Variants in KLHL32 observed in about 807,000 individuals in gnomAD.
The protein encoded by KLHL32 is kelch like family member 32.
KLHL32 carries 35 observed loss-of-function variants against 64.8 expected under a neutral mutation model. The ratio of observed to expected loss-of-function variants is 0.54; its 90% CI spans 0.41 to 0.72. The LOEUF (loss-of-function observed/expected upper bound fraction) is 0.72, where lower values mean the gene tolerates loss of function less well. Among genes scored for constraint, KLHL32 ranks in the 30% least tolerant of loss-of-function variants. The pLI is 0.00. For synonymous variants in KLHL32, 259 were observed against 281.0 expected (o/e 0.92, Z 0.78); for missense variants, 589 against 768.5 (o/e 0.77, Z 2.76).
Position 97,139,434 on chromosome 6 carries a change from C to A in KLHL32, c.*152C>A. On this transcript the variant is annotated 3_prime_UTR_variant, in exon 11 of 11. Transcript: ENST00000369261. The stretch of plus-strand genomic sequence containing the variant: ...AAAAAATGAACAATTTTCTAAAATA[C>A]GTTATTGAAAACTCGTCACCCTTCT... 1 of 659,574 alleles carries A rather than the reference C, an allele frequency of 1.5e-6. No individual in the cohort carries two copies. Among genetic ancestry groups the A allele is most frequent in the Non-Finnish European group, 2.5e-6 (1 of 397,612 alleles). 40.9% of individuals were successfully genotyped at this position (659,574 alleles called of 1,614,324 possible).
chr6:96,964,214 G>A (rs1407564117), intron 1 of KLHL32, among the ~76,000 whole-genome samples: 1 of 152,204 alleles, frequency 6.6e-6, no homozygotes, highest in East Asian at 1.9e-4. Context: ...TCCCTGGGCT[G>A]TAGGGGAAAA....
intron 6 of KLHL32, among the ~76,000 whole-genome samples, chr6:97,100,160 T>A (rs980681777): frequency 6.6e-6 from 1 of 151,664 alleles, no homozygotes; most frequent in African/African-American, 2.4e-5. Flanking sequence ...CATATATAAA[T>A]ATATATATAT....
intron 4 of KLHL32, among the ~76,000 whole-genome samples, chr6:97,054,919 A>G (rs960779850): frequency 1.3e-5 from 2 of 152,184 alleles, no homozygotes; most frequent in Non-Finnish European, 2.9e-5. Flanking sequence ...AGCCTGGGCA[A>G]CAGAGTGAGA....
chr6:97,030,700 A>G, intron 3 of KLHL32, among the ~76,000 whole-genome samples: 1 of 152,120 alleles, frequency 6.6e-6, no homozygotes. Context: ...TTTTTTTTCT[A>G]AATGTCTAGC....
the KLHL32 span, among the ~76,000 whole-genome samples, chr6:96,904,339 CAAAAAAAAAA>C: frequency 1.5e-3 from 154 of 106,078 alleles, 1 homozygote; most frequent in Non-Finnish European, 2.6e-3. Flanking sequence ...AAGACTTTGT[CAAAAAAAAAA>C]AAAAAAAAAA....
intron 3 of KLHL32, among the ~76,000 whole-genome samples, chr6:96,982,173 A>C (rs1776393455): frequency 6.6e-6 from 1 of 152,070 alleles, no homozygotes; most frequent in Non-Finnish European, 1.5e-5. Context: ...CAGTATTATT[A>C]TGTGGTTATT....
chr6:97,098,042 G>A (rs999506993), intron 6 of KLHL32, among the ~76,000 whole-genome samples: 15 of 152,168 alleles, frequency 9.9e-5, no homozygotes, highest in African/African-American at 3.6e-4. Context: ...GGAAGACAGA[G>A]ATTTGTCTGT....
intron 1 of KLHL32, among the ~76,000 whole-genome samples, chr6:96,951,489 A>G (rs932836953): frequency 3.3e-5 from 5 of 152,166 alleles, no homozygotes; most frequent in African/African-American, 1.2e-4. Flanking sequence ...CATGTTGGAC[A>G]GTGCGCCACC....
intron 4 of KLHL32, among the ~76,000 whole-genome samples, chr6:97,052,365 G>A (rs1582854427): frequency 1.3e-5 from 2 of 152,102 alleles, no homozygotes; most frequent in East Asian, 3.9e-4. Flanking sequence ...AACAACTCTT[G>A]GTATTATACA....
At chr6:96,965,731 C>T (rs1274998465) in intron 1 of KLHL32, among the ~76,000 whole-genome samples, 1 of 152,196 alleles carries the variant, frequency 6.6e-6, no homozygotes, top group East Asian at 1.9e-4. Flanking sequence ...GCTACTTAAA[C>T]AACGTGCCTT....
At chr6:97,008,585 C>T (rs1562237974) in intron 3 of KLHL32, among the ~76,000 whole-genome samples, 1 of 152,112 alleles carries the variant, frequency 6.6e-6, no homozygotes, top group Non-Finnish European at 1.5e-5. Flanking sequence ...CTCCTGGCAG[C>T]TCTCCCTGCC....
chr6:97,068,952 C>T (rs368327112), intron 5 of KLHL32, among the ~76,000 whole-genome samples: 21 of 152,180 alleles, frequency 1.4e-4, no homozygotes, highest in African/African-American at 5.1e-4. Flanking sequence ...CAAGAGGAGG[C>T]GTGCTGCTGG....
chr6:97,130,521 C>G (rs137978430), intron 8 of KLHL32, among the ~76,000 whole-genome samples: 1 of 152,146 alleles, frequency 6.6e-6, no homozygotes, highest in East Asian at 1.9e-4. Flanking sequence ...AAATGCAACA[C>G]AAACTAGAGG....
intron 3 of KLHL32, among the ~76,000 whole-genome samples, chr6:97,007,161 C>T (rs1779772997): frequency 1.3e-5 from 2 of 151,818 alleles, no homozygotes; most frequent in Admixed American, 1.3e-4. Flanking sequence ...TTACATTATC[C>T]CATATTTCTT....
chr6:97,139,077 C>T (rs1206047743), intron 10 of KLHL32, 44 bp from the exon 11 acceptor site: 2 of 1,555,194 alleles, frequency 1.3e-6, no homozygotes, highest in South Asian at 1.2e-5. Context: ...TTATTTTGAG[C>T]AGTCATCTTT....
chr6:96,958,943 A>G (rs56689990), intron 1 of KLHL32, among the ~76,000 whole-genome samples: 3,435 of 152,252 alleles, frequency 0.023, 82 homozygotes, highest in African/African-American at 0.064. Flanking sequence ...GTGCGTCTAC[A>G]CTTTGGACCC....
chr6:96,989,383 C>G (rs1263580028), intron 3 of KLHL32, among the ~76,000 whole-genome samples: 1 of 152,116 alleles, frequency 6.6e-6, no homozygotes, highest in African/African-American at 2.4e-5. Context: ...ATATGAATTT[C>G]TTGGATGGAA....
chr6:96,923,261 G>GA (rs1367777080), upstream of KLHL32, among the ~76,000 whole-genome samples: 3 of 152,166 alleles, frequency 2.0e-5, no homozygotes, highest in Non-Finnish European at 4.4e-5. Context: ...ACACCTTGGG[G>GA]ATCTTAAAGG....
chr6:97,001,465 TG>T (rs1779025127), intron 3 of KLHL32, among the ~76,000 whole-genome samples: 1 of 152,174 alleles, frequency 6.6e-6, no homozygotes, highest in Admixed American at 6.5e-5. Context: ...TGTTTTGGTT[TG>T]TTTTTTTGTT....
Sources: allele counts gnomAD v4.1 joint callset (sites outside exome capture counted in the v4.1 genomes callset), GRCh38; gene constraint gnomAD v4.1.1; transcripts MANE v1.5; gene names NCBI Gene and HGNC (gene_info 2026-07-23, HGNC 2026-07-21).